Variants in NKD2 observed in about 807,000 individuals in gnomAD.
NKD2 encodes protein naked cuticle homolog 2.
NKD2 carries 43 observed loss-of-function variants against 34.8 expected under a neutral mutation model. The ratio of observed to expected loss-of-function variants is 1.24; its 90% CI spans 0.97 to 1.60. The LOEUF is 1.60. Ranked by LOEUF, NKD2 falls within the 40% of genes most tolerant of loss-of-function variation. The pLI is 0.00. For missense variants in NKD2, 675 were observed against 627.1 expected (o/e 1.08, Z -0.82); for synonymous variants, 278 against 265.1 (o/e 1.05, Z -0.47).
In NKD2 at chr5:1,037,614, G is replaced by A. The variant is rs754535448; in HGVS notation, c.788-191G>A. Reference sequence around the variant, plus strand: ...GCCTTTGCAGGGAGCTGTGGAGCCAGGCAGGTCACCCACAGTGGCCAGGCC... The same window carrying A: ...GCCTTTGCAGGGAGCTGTGGAGCCAAGCAGGTCACCCACAGTGGCCAGGCC... On this transcript the variant is annotated intron_variant, in intron 9 of 9. Coordinates refer to ENST00000296849, the MANE Select transcript of NKD2 (RefSeq NM_033120.4). 4.6e-6 allele frequency: 7 copies of A among 1,535,992 alleles called. No homozygotes were observed. The South Asian group carries it at 8.3e-5, about 18-fold the overall frequency.
chr5:1,014,181 C>T (rs1460256240), intron 3 of NKD2, among the ~76,000 whole-genome samples: 1 of 152,232 alleles, frequency 6.6e-6, no homozygotes, highest in Non-Finnish European at 1.5e-5. Context: ...GTCCTCCTTC[C>T]TTCCTACTTG....
intron 3 of NKD2, among the ~76,000 whole-genome samples, chr5:1,025,781 C>T (rs1180379706): frequency 9.4e-6 from 1 of 106,540 alleles, no homozygotes; most frequent in African/African-American, 3.8e-5. Flanking sequence ...TCTTCCCACC[C>T]TCTGTGGGTG....
chr5:1,034,900 C>T lies in NKD2; in HGVS notation c.571C>T (p.Gln191Ter). 6.2e-7 allele frequency: 1 copy of T among 1,607,736 alleles called. No homozygotes were observed. Among genetic ancestry groups the T allele is most frequent in the Non-Finnish European group, 8.5e-7 (1 of 1,177,312 alleles). Residue 191 changes from glutamine (Q) to a stop codon, truncating the protein, a stop_gained, in exon 7 of 10, where the codon CAG becomes TAG. Coordinates refer to ENST00000296849, the MANE Select transcript of NKD2 (RefSeq NM_033120.4). LOFTEE classifies it high-confidence loss of function. ...GAGGAAGGAGGGTCCTCCTGCTGGC[C>T]AGGGTGAGTGAGGCCTGGGCACACA... ...SKRKEGPPAG[Q>*]DREPTRCRME...
rs377348027 is a variant in NKD2 at position 1,027,399 on chromosome 5, C to T, written c.142-4753C>T. Among the ~76,000 whole-genome samples, 3 of 152,322 alleles carry T rather than the reference C, an allele frequency of 2.0e-5. No homozygotes were observed. In the East Asian group the frequency reaches 5.8e-4, roughly 29 times the overall value. ...TCCCAGACTTGGGGTTCCACACCCACTCCAGAGGGACCCGGGAGCCCCGAG... is the reference window on the plus strand; with the variant it reads ...TCCCAGACTTGGGGTTCCACACCCATTCCAGAGGGACCCGGGAGCCCCGAG... On this transcript the variant is annotated intron_variant, in intron 3 of 9. Coordinates refer to ENST00000296849, the MANE Select transcript of NKD2 (RefSeq NM_033120.4).
At position 1,009,192 on chromosome 5, in the gene NKD2, C is replaced by G; in HGVS notation, c.39C>G (p.Arg13=). ...KLQSKHAAAA[R]KRRESPEGDS... ...GCCGTGCCGCAGCCGCCGCCGCCCG[C>G]AAGCGGAGAGAGAGCCCGGAAGGTG... The change falls in exon 2 of 10, where the codon CGC becomes CGG. Residue 13 remains arginine, a synonymous_variant. Coordinates refer to ENST00000296849, the MANE Select transcript of NKD2 (RefSeq NM_033120.4). The surrounding 1 kb of genome is among the most constrained non-coding windows in gnomAD (Gnocchi z 6.9). The G allele has an allele frequency of 1.8e-6, 1 of 564,120 alleles. No individual in the cohort carries two copies. The highest frequency in any genetic ancestry group is 3.2e-6 in the Non-Finnish European group (1 of 314,170). 34.9% of individuals were successfully genotyped at this position (564,120 alleles called of 1,614,324 possible).
intron 3 of NKD2, among the ~76,000 whole-genome samples, chr5:1,013,021 G>A (rs191278935): frequency 3.9e-5 from 6 of 152,346 alleles, no homozygotes; most frequent in East Asian, 1.9e-4. Flanking sequence ...GTGCACGTGC[G>A]CCCAGAGACA....
At chr5:1,028,019 AC>A (rs1756491608) in intron 3 of NKD2, among the ~76,000 whole-genome samples, 1 of 152,118 alleles carries the variant, frequency 6.6e-6, no homozygotes, top group Non-Finnish European at 1.5e-5. Context: ...CACGTGGGGA[AC>A]ACACTCCTTT....
intron 3 of NKD2, among the ~76,000 whole-genome samples, 159 bp from the exon 4 acceptor site, chr5:1,031,993 G>C (rs899257092): frequency 5.3e-5 from 8 of 152,202 alleles, no homozygotes; most frequent in African/African-American, 1.9e-4. Flanking sequence ...GAGGCTGAGT[G>C]GGGCACGAAG....
At chr5:1,013,659 G>A (rs765029726) in intron 3 of NKD2, among the ~76,000 whole-genome samples, 5 of 152,218 alleles carry the variant, frequency 3.3e-5, no homozygotes, top group Admixed American at 6.5e-5. Context: ...CAAGCCGCAG[G>A]CATCCCCTGT....
At chr5:1,012,993 C>T (rs1163847413) in intron 3 of NKD2, among the ~76,000 whole-genome samples, 1 of 152,236 alleles carries the variant, frequency 6.6e-6, no homozygotes, top group Non-Finnish European at 1.5e-5. Context: ...TACACATTTG[C>T]AGGAGAGACT....
chr5:1,029,003 G>A (rs115325832), intron 3 of NKD2, among the ~76,000 whole-genome samples: 6 of 152,332 alleles, frequency 3.9e-5, no homozygotes, highest in South Asian at 4.1e-4. Context: ...TCTGGCCAGC[G>A]GCCCGGGGGC....
rs1554003991 is a variant in NKD2 at position 1,030,019 on chromosome 5, G to GC, written c.142-2133_142-2132insC. Among the ~76,000 whole-genome samples the GC allele has an allele frequency of 5.3e-4, 80 of 150,714 alleles. 8 individuals are homozygous for GC. The highest frequency in any genetic ancestry group is 1.5e-3 in the African/African-American group (60 of 40,784). The stretch of plus-strand genomic sequence containing the variant: ...GCCTGAGGGGGGATTGTGGTGCGGG[G>GC]GGGGGGGTACTGAGAACCCTGGGGG... On this transcript the variant is annotated intron_variant, in intron 3 of 9. Transcript: ENST00000296849.
intron 3 of NKD2, among the ~76,000 whole-genome samples, chr5:1,016,780 A>G (rs1036519500): frequency 9.2e-5 from 14 of 152,206 alleles, no homozygotes; most frequent in Admixed American, 9.2e-4. Flanking sequence ...ACGTGACAAG[A>G]GCTACAGCAG....
chr5:1,018,309 C>T (rs2150731006), intron 3 of NKD2, among the ~76,000 whole-genome samples: 1 of 152,312 alleles, frequency 6.6e-6, no homozygotes, highest in Middle Eastern at 3.4e-3. Context: ...CCCACCCACC[C>T]TGCAAGCCAT....
At position 1,038,178 on chromosome 5, in the gene NKD2, A is replaced by T. The variant is rs193161206; in HGVS notation, c.1161A>T (p.Gln387His). Reference sequence around the variant, plus strand: ...CCTACGGCCACAAGCGGTACCGCCAAAAGGGCAGGGAGGGCCACTCGCCAC... The same window carrying T: ...CCTACGGCCACAAGCGGTACCGCCATAAGGGCAGGGAGGGCCACTCGCCAC... ...PPPYGHKRYR[Q>H]KGREGHSPLK... The change falls in exon 10 of 10, where the codon CAA (glutamine) becomes CAT (histidine). Residue 387 changes from glutamine (Q) to histidine (H), a missense_variant. Gln to His is a conservative substitution (Grantham distance 24). Coordinates refer to ENST00000296849, the MANE Select transcript of NKD2 (RefSeq NM_033120.4). The surrounding 1 kb of genome is among the most constrained non-coding windows in gnomAD (Gnocchi z 4.5). The T allele has an allele frequency of 6.3e-7, 1 of 1,587,986 alleles. No homozygotes were observed. The highest frequency in any genetic ancestry group is 8.6e-7 in the Non-Finnish European group (1 of 1,168,998).
At chr5:1,020,606 G>C (rs1031134359) in intron 3 of NKD2, among the ~76,000 whole-genome samples, 1 of 152,014 alleles carries the variant, frequency 6.6e-6, no homozygotes, top group Non-Finnish European at 1.5e-5. Context: ...CTCCAAGCGT[G>C]GGGAGAGGGA....
chr5:1,026,153 G>T (rs62330235), intron 3 of NKD2, among the ~76,000 whole-genome samples: 530 of 31,696 alleles, frequency 0.017, no homozygotes, highest in Middle Eastern at 0.045. Context: ...CTTCCCACCC[G>T]CTGTGGGCGT....
At chr5:1,035,208 TAATG>T (rs752700386) in intron 7 of NKD2, among the ~76,000 whole-genome samples, 177 bp from the exon 8 acceptor site, 42 of 150,782 alleles carry the variant, frequency 2.8e-4, no homozygotes, top group African/African-American at 6.6e-4. Flanking sequence ...ACGAGTGAGT[TAATG>T]AATGAGTGAA....
chr5:1,011,890 C>A (rs368253226), intron 3 of NKD2, among the ~76,000 whole-genome samples: 1 of 152,220 alleles, frequency 6.6e-6, no homozygotes, highest in African/African-American at 2.4e-5. Flanking sequence ...TGGCGGGACC[C>A]GCACGGCTTC....
Sources: allele counts gnomAD v4.1 joint callset (sites outside exome capture counted in the v4.1 genomes callset), GRCh38; gene constraint gnomAD v4.1.1; non-coding constraint Gnocchi (gnomAD v3.1); transcripts MANE v1.5; gene names NCBI Gene and HGNC (gene_info 2026-07-23, HGNC 2026-07-21).